The following MIB1 variants were observed in gnomAD, a reference collection of about 807,000 sequenced individuals.
MIB1 encodes E3 ubiquitin-protein ligase MIB1.
A neutral mutation model predicts 124.5 loss-of-function variants in MIB1; 278 were observed. The ratio of observed to expected loss-of-function variants is 2.23; its 90% CI spans 2.02 to 2.47. MIB1 has a LOEUF of 2.47. Ranked by LOEUF, MIB1 falls within the 30% of genes most tolerant of loss-of-function variation. MIB1 has a pLI of 0.00. For synonymous variants in MIB1, 446 were observed against 429.4 expected, an observed-to-expected ratio of 1.04 and a Z score of -0.48; for missense variants, 957 against 1,254.4, an observed-to-expected ratio of 0.76 and a Z score of 3.58.
intron 11 of MIB1, among the ~76,000 whole-genome samples, chr18:21,818,132 C>T (rs372710173): frequency 2.6e-5 from 4 of 152,282 alleles, no homozygotes; most frequent in South Asian, 2.1e-4. Context: ...CCTTTGAAAA[C>T]GCTTAGATTA....
At chr18:21,851,357 A>G (rs1284172714) in intron 17 of MIB1, among the ~76,000 whole-genome samples, 1 of 152,174 alleles carries the variant, frequency 6.6e-6, no homozygotes, top group Non-Finnish European at 1.5e-5. Flanking sequence ...GAATATAGTT[A>G]TTCTGAGAAT....
chr18:21,797,052 A>AATTGATAAT (rs559673301), intron 7 of MIB1, among the ~76,000 whole-genome samples: 292 of 152,334 alleles, frequency 1.9e-3, no homozygotes, highest in Middle Eastern at 3.4e-3. Flanking sequence ...ACAAACAAAA[A>AATTGATAAT]ATTGATAATT....
chr18:21,821,210 T>C (rs370584745), intron 12 of MIB1, among the ~76,000 whole-genome samples: 4 of 152,364 alleles, frequency 2.6e-5, no homozygotes, highest in African/African-American at 7.2e-5. Flanking sequence ...TTAAATTTTA[T>C]ACATTTACAA....
chr18:21,799,659 A>T (rs566547760), intron 8 of MIB1, among the ~76,000 whole-genome samples, 182 bp from the exon 9 acceptor site: 1 of 152,204 alleles, frequency 6.6e-6, no homozygotes, highest in East Asian at 1.9e-4. Context: ...GGAATACTTA[A>T]GGGCTTGCAT....
intron 1 of MIB1, among the ~76,000 whole-genome samples, chr18:21,715,802 CAACAAA>C (rs1303393356): frequency 2.0e-5 from 3 of 151,836 alleles, no homozygotes; most frequent in African/African-American, 7.3e-5. Flanking sequence ...TAACTCAATC[CAACAAA>C]AACAAAGAAA....
intron 1 of MIB1, among the ~76,000 whole-genome samples, chr18:21,710,259 C>A (rs903948446): frequency 5.3e-5 from 8 of 151,986 alleles, no homozygotes; most frequent in African/African-American, 1.9e-4. Flanking sequence ...TCACGCCCAG[C>A]TAATTTTTGT....
intron 6 of MIB1, among the ~76,000 whole-genome samples, chr18:21,781,365 TTATATATATATATATATATATATATA>T (rs57641355): frequency 0.038 from 2,536 of 67,278 alleles, 135 homozygotes; most frequent in East Asian, 0.088. Flanking sequence ...TCTGTTCAAG[TTATATATATATATATATATATATATA>T]TATATATATA....
At chr18:21,751,451 G>A (rs949996421) in intron 1 of MIB1, among the ~76,000 whole-genome samples, 1 of 151,936 alleles carries the variant, frequency 6.6e-6, no homozygotes, top group Non-Finnish European at 1.5e-5. Flanking sequence ...AGTAGAGATG[G>A]GGTTTCACCA....
At chr18:21,851,612 T>C (rs2042180807) in intron 17 of MIB1, among the ~76,000 whole-genome samples, 1 of 152,138 alleles carries the variant, frequency 6.6e-6, no homozygotes, top group African/African-American at 2.4e-5. Context: ...CATGGGATCC[T>C]TTTCTGTTAG....
intron 1 of MIB1, among the ~76,000 whole-genome samples, chr18:21,749,397 T>A (rs913733723): frequency 6.6e-6 from 1 of 152,164 alleles, no homozygotes; most frequent in Non-Finnish European, 1.5e-5. Flanking sequence ...TTGATAGACA[T>A]TTATAGTGTT....
chr18:21,709,087 C>T (rs1031499553), intron 1 of MIB1, among the ~76,000 whole-genome samples: 20 of 151,998 alleles, frequency 1.3e-4, no homozygotes, highest in South Asian at 2.1e-4. Flanking sequence ...GAGGCCGAGG[C>T]GGGCGGATCA....
chr18:21,819,708 T>C, intron 12 of MIB1, 62 bp downstream of exon 12: 7 of 1,191,016 alleles, frequency 5.9e-6, no homozygotes, highest in Non-Finnish European at 7.9e-6. Context: ...TTGATTCTCT[T>C]TTTCTGATAC....
In MIB1 at chr18:21,778,101, A is replaced by G. The variant is rs760668586; in HGVS notation, c.637-2A>G. On this transcript the variant is annotated splice_acceptor_variant, in intron 4 of 20. Transcript: ENST00000261537. LOFTEE classifies it high-confidence loss of function. ...GATTTTTCTGGTTTCTTTTCTTCTT[A>G]GTCTGATCTGAAATGTGTCCAGGAT... 6.2e-7 allele frequency: 1 copy of G among 1,609,404 alleles called. No individual in the cohort carries two copies. The highest frequency in any genetic ancestry group is 8.5e-7 in the Non-Finnish European group (1 of 1,176,264).
intron 1 of MIB1, among the ~76,000 whole-genome samples, chr18:21,714,632 AT>A (rs2146354528): frequency 6.6e-6 from 1 of 152,214 alleles, no homozygotes; most frequent in East Asian, 1.9e-4. Context: ...TGCTTTACCA[AT>A]AAAGGGAGTT....
chr18:21,734,674 G>A lies in MIB1; in HGVS notation n.167+29551G>A, dbSNP rs570301764. The stretch of plus-strand genomic sequence containing the variant: ...CTCCCGAGTAGCTGGGACTACAAGC[G>A]CATGCCACCACGCCTGGCTAATTTT... On this transcript the variant is annotated intron_variant and non_coding_transcript_variant, in intron 1 of 20. Transcript: ENST00000578646. Among the ~76,000 whole-genome samples, 1,226 of 137,746 alleles carry A rather than the reference G, an allele frequency of 8.9e-3. 5 individuals are homozygous for A. The highest frequency in any genetic ancestry group is 0.014 in the Non-Finnish European group (896 of 64,850). The allele number at this position is 137,746 out of a possible 152,430, so 90.4% of individuals were successfully genotyped here. A position where few individuals can be genotyped will look rare whatever the true frequency, so the allele number is the denominator to read the frequency against.
chr18:21,858,907 G>A (rs947854352), intron 20 of MIB1, among the ~76,000 whole-genome samples: 1 of 152,146 alleles, frequency 6.6e-6, no homozygotes, highest in African/African-American at 2.4e-5. Flanking sequence ...CCACAAGGAA[G>A]TTTTCATAAG....
At chr18:21,787,303 C>G (rs2041447199) in intron 6 of MIB1, among the ~76,000 whole-genome samples, 1 of 152,142 alleles carries the variant, frequency 6.6e-6, no homozygotes, top group Non-Finnish European at 1.5e-5. Context: ...CCAGAAGACC[C>G]ATGGAATGTG....
intron 3 of MIB1, among the ~76,000 whole-genome samples, chr18:21,772,238 G>C (rs2041231804): frequency 6.6e-6 from 1 of 152,126 alleles, no homozygotes; most frequent in African/African-American, 2.4e-5. Context: ...TGTATACCTT[G>C]AAAGTTATAC....
At chr18:21,751,420 C>G (rs556073699) in intron 1 of MIB1, among the ~76,000 whole-genome samples, 111 of 151,980 alleles carry the variant, frequency 7.3e-4, no homozygotes, top group Middle Eastern at 3.4e-3. Flanking sequence ...ATCACCATGC[C>G]CAGCAAATTT....
Sources: gnomAD v4.1 joint callset for allele counts (sites outside exome capture counted in the v4.1 genomes callset) on GRCh38, gnomAD v4.1.1 for gene constraint, MANE v1.5 for transcripts, NCBI Gene and HGNC (gene_info 2026-07-23, HGNC 2026-07-21) for gene names.